The following FMO3 variants were observed in gnomAD, a reference collection of about 807,000 sequenced individuals.
The protein encoded by FMO3 is flavin containing dimethylaniline monoxygenase 3.
Under a neutral mutation model 39.4 loss-of-function variants are expected in FMO3, and 40 were observed. That is an observed-to-expected ratio of 1.02 (90% CI 0.79 to 1.32). FMO3 has a LOEUF of 1.32. Among genes scored for constraint, FMO3 ranks in the 40% most tolerant of loss-of-function variants. The probability of loss-of-function intolerance (pLI) is 0.00; values close to 1 mark genes in which losing one functional copy is unlikely to be tolerated. For synonymous variants in FMO3, 219 were observed against 228.8 expected, an observed-to-expected ratio of 0.96 and a Z score of 0.39; for missense variants, 680 against 651.8, an observed-to-expected ratio of 1.04 and a Z score of -0.47.
At chr1:171,105,567 T>A (rs1486302925) in intron 3 of FMO3, among the ~76,000 whole-genome samples, 1 of 152,138 alleles carries the variant, frequency 6.6e-6, no homozygotes, top group Non-Finnish European at 1.5e-5. Flanking sequence ...CCTGACTTTT[T>A]AATGATCGCC....
rs1408235450 is a variant in FMO3 at position 171,114,379 on chromosome 1, G to C, written c.1183+17G>C. ...TAATAAAGGGTAAGTCAATAAAGAG[G>C]CTCATGGATTGCGAAGATGAATGCC... On this transcript the variant is annotated intron_variant, in intron 7 of 8. Transcript: ENST00000367755. 3 of 1,567,270 alleles carry C rather than the reference G, an allele frequency of 1.9e-6. No individual in the cohort carries two copies. Among genetic ancestry groups the C allele is most frequent in the Non-Finnish European group, 2.6e-6 (3 of 1,138,970 alleles).
At chr1:171,116,762 C>T (rs893404339) in intron 8 of FMO3, among the ~76,000 whole-genome samples, 1 of 152,090 alleles carries the variant, frequency 6.6e-6, no homozygotes, top group Non-Finnish European at 1.5e-5. Flanking sequence ...GCTCAGTGGC[C>T]ATGAACTATT....
intron 6 of FMO3, among the ~76,000 whole-genome samples, chr1:171,113,334 G>A (rs987659069): frequency 6.6e-6 from 1 of 151,986 alleles, no homozygotes; most frequent in Non-Finnish European, 1.5e-5. Context: ...TAAATTCCTG[G>A]GTGCTCCCTC....
chr1:171,114,292 TG>T lies in FMO3; in HGVS notation c.1114del (p.Val372SerfsTer21). ...AGTCAACCATAGCAGTGATTGGCTTTGTCCAGTCCCTTGGGGCTGCCATTCC... is the reference window on the plus strand; with the variant it reads ...AGTCAACCATAGCAGTGATTGGCTTTTCCAGTCCCTTGGGGCTGCCATTCC... ...EKSTIAVIGF[V>X]QSLGAAIPTV... is the part of the protein sequence containing the mutation. On this transcript the variant is annotated frameshift_variant, in exon 7 of 9. Coordinates refer to ENST00000367755, the MANE Select transcript of FMO3 (RefSeq NM_001002294.3). LOFTEE classifies it high-confidence loss of function. 1 of 1,613,952 alleles carries T rather than the reference TG, an allele frequency of 6.2e-7. No homozygotes were observed.
chr1:171,110,752 A>G, intron 5 of FMO3, 46 bp from the exon 6 acceptor site: 1 of 1,563,706 alleles, frequency 6.4e-7, no homozygotes, highest in Non-Finnish European at 8.8e-7. Context: ...CAGAATATCC[A>G]CTACAAATGG....
intron 8 of FMO3, 22 bp downstream of exon 8, chr1:171,116,302 G>A: frequency 7.9e-7 from 1 of 1,263,162 alleles, no homozygotes; most frequent in Non-Finnish European, 1.2e-6. Flanking sequence ...TATTGTAATA[G>A]GAGTGTAGGA....
Position 171,117,365 on chromosome 1 carries a change from C to G in FMO3, c.1522C>G (p.Pro508Ala). The change falls in exon 9 of 9, where the codon CCT becomes GCT. Residue 508 changes from proline to alanine, a missense_variant. Physicochemically the swap from Pro to Ala is conservative, Grantham distance 27 (BLOSUM62 -1). Transcript: ENST00000367755. ...ACGAGTGGTCGGGAGACTTCAGAAG[C>G]CTTGCTTCTTTTTCCATTGGCTGAA... ...QTRVVGRLQK[P>A]CFFFHWLKLF... 6.2e-7 allele frequency: 1 copy of G among 1,612,686 alleles called. No individual in the cohort carries two copies. The highest frequency in any genetic ancestry group is 8.5e-7 in the Non-Finnish European group (1 of 1,179,466).
chr1:171,112,344 C>G (rs548953329), intron 6 of FMO3, among the ~76,000 whole-genome samples: 1 of 152,124 alleles, frequency 6.6e-6, no homozygotes. Context: ...CTGTGGTCAT[C>G]ATTCAATGTA....
chr1:171,096,024 T>TATATATA (rs1557932938), intron 2 of FMO3, among the ~76,000 whole-genome samples: 55 of 46,296 alleles, frequency 1.2e-3, no homozygotes, highest in African/African-American at 1.9e-3. Flanking sequence ...TATTATATAT[T>TATATATA]AATATATAAT....
In FMO3 at chr1:171,112,210, C is replaced by T. The variant is rs182744737; in HGVS notation, c.827+1213C>T. Among the ~76,000 whole-genome samples the T allele has an allele frequency of 3.7e-4, 56 of 152,256 alleles. 1 individual carries two copies. In the South Asian group the frequency reaches 0.01, roughly 28 times the overall value. On this transcript the variant is annotated intron_variant, in intron 6 of 8. Coordinates refer to ENST00000367755, the MANE Select transcript of FMO3 (RefSeq NM_001002294.3). ...CAGAGACATAAAAATTGTTGGATGG[C>T]GTGGGCCTTGTAGATCATTGTAAGG...
chr1:171,101,819 G>A, intron 2 of FMO3: 1 of 487,586 alleles, frequency 2.1e-6, no homozygotes, highest in Non-Finnish European at 4.3e-6. Flanking sequence ...TTTCTCAGGA[G>A]CTCCCCAAAC....
chr1:171,095,856 A>T (rs1413238358), intron 2 of FMO3, among the ~76,000 whole-genome samples: 2 of 38,456 alleles, frequency 5.2e-5, no homozygotes, highest in Admixed American at 3.7e-4. Flanking sequence ...AATTATATAT[A>T]TAATATAAAT....
rs72549322 is a variant in FMO3 at position 171,103,834 on chromosome 1, A to G, written c.182A>G (p.Asn61Ser). The G allele has an allele frequency of 2.0e-5, 32 of 1,613,632 alleles. No homozygotes were observed. The highest frequency in any genetic ancestry group is 2.6e-5 in the Non-Finnish European group (31 of 1,179,846). Residue 61 changes from asparagine (N) to serine (S), a missense_variant, in exon 3 of 9, where the codon AAC (asparagine) becomes AGC (serine). By Grantham distance (46) the Asn-to-Ser change is conservative. Transcript: ENST00000367755. Reference sequence around the variant, plus strand: ...AGCATTTACAAATCAGTCTTTTCCAACTCTTCCAAAGAGATGATGTGTTTC... The same window carrying G: ...AGCATTTACAAATCAGTCTTTTCCAGCTCTTCCAAAGAGATGATGTGTTTC... ...RASIYKSVFS[N>S]SSKEMMCFPD...
Position 171,116,296 on chromosome 1 carries a change from G to A in FMO3, c.1256+16G>A. On this transcript the variant is annotated intron_variant, in intron 8 of 8. Coordinates refer to ENST00000367755, the MANE Select transcript of FMO3 (RefSeq NM_001002294.3). ...AGCGCAAATGGTAAGAGTACCTATT[G>A]TAATAGGAGTGTAGGATTTCCATAG... 2.3e-6 allele frequency: 3 copies of A among 1,316,414 alleles called. No individual in the cohort carries two copies. The highest frequency in any genetic ancestry group is 1.2e-5 in the South Asian group (1 of 83,696). 81.5% of individuals were successfully genotyped at this position (1,316,414 alleles called of 1,614,324 possible). A position where few individuals can be genotyped will look rare whatever the true frequency, so the allele number is the denominator to read the frequency against.
At chr1:171,104,639 C>T (rs1225618644) in intron 3 of FMO3, among the ~76,000 whole-genome samples, 1 of 152,052 alleles carries the variant, frequency 6.6e-6, no homozygotes, top group East Asian at 1.9e-4. Flanking sequence ...TTTGGGAGGA[C>T]AAGGCAGGCA....
chr1:171,109,890 G>A (rs1655829276), intron 5 of FMO3, among the ~76,000 whole-genome samples: 1 of 152,016 alleles, frequency 6.6e-6, no homozygotes, highest in African/African-American at 2.4e-5. Flanking sequence ...ATGCCTTGAA[G>A]TGATATGGCA....
chr1:171,102,500 G>T (rs979502320), intron 2 of FMO3, among the ~76,000 whole-genome samples: 1 of 152,178 alleles, frequency 6.6e-6, no homozygotes, highest in Non-Finnish European at 1.5e-5. Flanking sequence ...AGCTGTAACA[G>T]ATGTGTCCTA....
intron 2 of FMO3, among the ~76,000 whole-genome samples, chr1:171,094,450 G>A (rs1183659483): frequency 2.0e-5 from 3 of 152,050 alleles, no homozygotes; most frequent in South Asian, 2.1e-4. Context: ...CTCTTTATGC[G>A]AAAAAGATTT....
rs1656206389 is a variant in FMO3, at chr1:171,117,332, A to C, written c.1489A>C (p.Met497Leu). ...LTQWDRSLKP[M>L]QTRVVGRLQK... is the part of the protein sequence containing the mutation. ...CCAGTGGGACCGGTCGTTGAAACCC[A>C]TGCAGACACGAGTGGTCGGGAGACT... Residue 497 changes from methionine (M) to leucine (L), a missense_variant, in exon 9 of 9, where the codon ATG becomes CTG. Physicochemically the swap from Met to Leu is conservative, Grantham distance 15. Transcript: ENST00000367755. 6.2e-7 allele frequency: 1 copy of C among 1,613,754 alleles called. No individual in the cohort carries two copies. Among genetic ancestry groups the C allele is most frequent in the Non-Finnish European group, 8.5e-7 (1 of 1,179,800 alleles).
Sources: allele counts gnomAD v4.1 joint callset (sites outside exome capture counted in the v4.1 genomes callset), GRCh38; gene constraint gnomAD v4.1.1; transcripts MANE v1.5; gene names NCBI Gene and HGNC (gene_info 2026-07-23, HGNC 2026-07-21).